The following ANKRD62 variants were observed in gnomAD, a reference collection of about 807,000 sequenced individuals.
The protein encoded by ANKRD62 is ankyrin repeat domain 62.
A neutral mutation model predicts 98.8 loss-of-function variants in ANKRD62; 61 were observed. The ratio of observed to expected loss-of-function variants is 0.62; its 90% confidence interval spans 0.50 to 0.76. The LOEUF is 0.76. Ranked by LOEUF, ANKRD62 falls within the 30% of genes least tolerant of loss-of-function variation. The pLI is 0.00. For missense variants in ANKRD62, 933 were observed against 1,082.9 expected (o/e 0.86, Z 1.94); for synonymous variants, 341 against 367.9 (o/e 0.93, Z 0.84).
At chr18:12,145,257 G>A in the ANKRD62 span, among the ~76,000 whole-genome samples, 4 of 152,182 alleles carry the variant, frequency 2.6e-5, no homozygotes, top group Admixed American at 1.3e-4. Context: ...CTCCTTCTGG[G>A]AGGTCCCACT....
chr18:12,114,295 A>T (rs1909611563), intron 8 of ANKRD62, among the ~76,000 whole-genome samples: 1 of 152,256 alleles, frequency 6.6e-6, no homozygotes, highest in Non-Finnish European at 1.5e-5. Flanking sequence ...CTTAAAAAAA[A>T]TGCCAAGATT....
the ANKRD62 span, among the ~76,000 whole-genome samples, chr18:12,146,109 TAGCACAGCAC>T: frequency 1.3e-5 from 2 of 151,846 alleles, no homozygotes; most frequent in Non-Finnish European, 2.9e-5. Context: ...GTAGAAGTGG[TAGCACAGCAC>T]AGCACAGCAC....
At chr18:12,102,130 T>C in intron 6 of ANKRD62, 4 of 1,297,270 alleles carry the variant, frequency 3.1e-6, no homozygotes, top group Non-Finnish European at 4.5e-6. Flanking sequence ...CCCATGAACA[T>C]AGTCAGTAAC....
At chr18:12,135,411 A>G in the ANKRD62 span, among the ~76,000 whole-genome samples, 1 of 151,226 alleles carries the variant, frequency 6.6e-6, no homozygotes, top group African/African-American at 2.5e-5. Context: ...CATGGTGTAT[A>G]TATGCCACAT....
chr18:12,181,389 G>C, the ANKRD62 span, among the ~76,000 whole-genome samples: 1 of 152,132 alleles, frequency 6.6e-6, no homozygotes, highest in African/African-American at 2.4e-5. Context: ...ATATTTACAG[G>C]ACAACTACCT....
the ANKRD62 span, among the ~76,000 whole-genome samples, chr18:12,161,251 A>T: frequency 1.3e-5 from 2 of 152,142 alleles, no homozygotes; most frequent in Admixed American, 6.5e-5. Flanking sequence ...AAATAGGATT[A>T]CTTTTGCAAA....
chr18:12,134,695 G>C (rs1178141213), downstream of ANKRD62, among the ~76,000 whole-genome samples: 1 of 152,102 alleles, frequency 6.6e-6, no homozygotes, highest in Non-Finnish European at 1.5e-5. Context: ...CCCTACAAAG[G>C]ACATGAACTC....
the ANKRD62 span, among the ~76,000 whole-genome samples, chr18:12,155,873 G>A: frequency 6.6e-6 from 1 of 152,138 alleles, no homozygotes; most frequent in African/African-American, 2.4e-5. Context: ...GGGAAATAGT[G>A]GGAGGAAGAA....
Position 12,096,231 on chromosome 18 carries a change from G to GA in ANKRD62, c.549dup (p.Glu184ArgfsTer19). The stretch of plus-strand genomic sequence containing the variant: ...CATCACTTTTACTCGCTGTAAATAG[G>GA]AAAAAAGAGCAAATGGTGGCATTTT... On this transcript the variant is annotated frameshift_variant, in exon 4 of 14. Coordinates refer to ENST00000587848, the MANE Select transcript of ANKRD62 (RefSeq NM_001277333.2). LOFTEE classifies it high-confidence loss of function. 1 of 1,534,294 alleles carries GA rather than the reference G, an allele frequency of 6.5e-7. No individual in the cohort carries two copies. The highest frequency in any genetic ancestry group is 1.2e-5 in the South Asian group (1 of 82,760).
chr18:12,170,188 T>C, the ANKRD62 span, among the ~76,000 whole-genome samples: 19 of 152,208 alleles, frequency 1.2e-4, no homozygotes, highest in East Asian at 1.4e-3. Context: ...AATGTGTTTG[T>C]TCTTGCTTCT....
At chr18:12,098,678 T>C (rs1909235472) in intron 5 of ANKRD62, 1 of 152,234 alleles carries the variant, frequency 6.6e-6, no homozygotes, top group Admixed American at 6.5e-5. Flanking sequence ...GAAATGAGAA[T>C]GGCGCTGAGT....
rs1417053625 is a variant in ANKRD62, at chr18:12,126,146, A to G, written c.2325A>G (p.Gly775=). The G allele has an allele frequency of 3.3e-6, 5 of 1,535,988 alleles. No homozygotes were observed. The highest frequency in any genetic ancestry group is 1.4e-5 in the African/African-American group (1 of 73,052). ...YVRKQQSVED[G]LFQLQSQNLL... ...GAAAGCAGCAATCTGTAGAGGATGG[A>G]CTATTTCAACTACAAAGCCAAAATC... Residue 775 remains glycine (G), a synonymous_variant, in exon 13 of 14, where the codon GGA becomes GGG. Transcript: ENST00000587848.
At chr18:12,111,397 G>A (rs564668571) in intron 8 of ANKRD62, among the ~76,000 whole-genome samples, 9 of 152,174 alleles carry the variant, frequency 5.9e-5, no homozygotes, top group African/African-American at 1.9e-4. Context: ...AGTTATTGAA[G>A]GAACATACCT....
the ANKRD62 span, among the ~76,000 whole-genome samples, chr18:12,174,418 A>G: frequency 6.6e-6 from 1 of 152,146 alleles, no homozygotes; most frequent in African/African-American, 2.4e-5. Context: ...TGTGATCCCT[A>G]GAGTCCTTGG....
downstream of ANKRD62, among the ~76,000 whole-genome samples, chr18:12,133,755 A>G (rs1339090624): frequency 6.6e-6 from 1 of 152,088 alleles, no homozygotes; most frequent in Non-Finnish European, 1.5e-5. Context: ...AGTTCTTTAT[A>G]TATTCTGAAC....
intron 11 of ANKRD62, among the ~76,000 whole-genome samples, chr18:12,123,029 CA>C (rs1909813005): frequency 1.1e-5 from 1 of 91,248 alleles, no homozygotes; most frequent in African/African-American, 4.0e-5. Context: ...TAAAATTAAC[CA>C]GTTTTTTTTG....
At chr18:12,094,869 G>C (rs1281452471) in intron 1 of ANKRD62, among the ~76,000 whole-genome samples, 1 of 128,384 alleles carries the variant, frequency 7.8e-6, no homozygotes, top group African/African-American at 3.0e-5. Flanking sequence ...AGGGTTGGCT[G>C]GGGTGGGGGT....
In ANKRD62 at chr18:12,128,049, C is replaced by G; in HGVS notation, c.*110C>G. On this transcript the variant is annotated 3_prime_UTR_variant, in exon 14 of 14. Coordinates refer to ENST00000587848, the MANE Select transcript of ANKRD62 (RefSeq NM_001277333.2). Reference sequence around the variant, plus strand: ...AAATTTGATTATCTTTATAATACATCCATTTCTCAATCTCTGCCATGTTTT... The same window carrying G: ...AAATTTGATTATCTTTATAATACATGCATTTCTCAATCTCTGCCATGTTTT... The G allele has an allele frequency of 1.7e-6, 1 of 596,802 alleles. No homozygotes were observed. Among genetic ancestry groups the G allele is most frequent in the Middle Eastern group, 5.1e-4 (1 of 1,960 alleles). The allele number at this position is 596,802 out of a possible 1,614,324, so 37.0% of individuals were successfully genotyped here.
chr18:12,118,089 T>C (rs1285566941), intron 10 of ANKRD62, among the ~76,000 whole-genome samples: 1 of 152,160 alleles, frequency 6.6e-6, no homozygotes, highest in East Asian at 1.9e-4. Flanking sequence ...CTGCAGCCCA[T>C]AGTGTGCATT....
Sources: allele counts gnomAD v4.1 joint callset (sites outside exome capture counted in the v4.1 genomes callset), GRCh38; gene constraint gnomAD v4.1.1; transcripts MANE v1.5; gene names NCBI Gene and HGNC (gene_info 2026-07-23, HGNC 2026-07-21).